The following AGTPBP1 variants were observed in gnomAD, a reference collection of about 807,000 sequenced individuals.
AGTPBP1 encodes ATP/GTP binding carboxypeptidase 1, also known as cytosolic carboxypeptidase 1.
In AGTPBP1, 70 loss-of-function variants were observed where a neutral mutation model predicts 143.9. The ratio of observed to expected loss-of-function variants is 0.49; its 90% confidence interval spans 0.40 to 0.59. The LOEUF (loss-of-function observed/expected upper bound fraction) is 0.59, where lower values mean the gene tolerates loss of function less well. AGTPBP1 is among the 20% of genes least tolerant of loss of function. AGTPBP1 has a pLI of 0.00. For missense variants in AGTPBP1, 1,229 were observed against 1,464.5 expected (o/e 0.84, Z 2.62); for synonymous variants, 463 against 500.2 (o/e 0.93, Z 0.99).
chr9:85,574,002 G>A (rs932701160), intron 25 of AGTPBP1, among the ~76,000 whole-genome samples: 2 of 152,246 alleles, frequency 1.3e-5, no homozygotes, highest in Non-Finnish European at 2.9e-5. Context: ...GGGCCATGAT[G>A]ACAATGGCGG....
the AGTPBP1 span, among the ~76,000 whole-genome samples, chr9:85,803,135 T>C: frequency 4.6e-5 from 7 of 152,192 alleles, no homozygotes; most frequent in Admixed American, 3.9e-4. Context: ...ATGTCCCATA[T>C]ACGTGGGAAC....
rs529713938 is a variant in AGTPBP1 at position 85,677,723 on chromosome 9, C to A, written c.290-141G>T. 13 of 723,438 alleles carry A rather than the reference C, an allele frequency of 1.8e-5. No individual in the cohort carries two copies. In the East Asian group the frequency reaches 3.7e-4, roughly 21 times the overall value. 44.8% of individuals were successfully genotyped at this position (723,438 alleles called of 1,614,324 possible). A position where few individuals can be genotyped will look rare whatever the true frequency, so the allele number is the denominator to read the frequency against. On this transcript the variant is annotated intron_variant, in intron 5 of 25. Transcript: ENST00000357081. ...GACCTCTAAAATCAAACAAATAAGG[C>A]TGGGCGCAGTAGCTCACGCCTGTAA...
At chr9:85,673,905 G>A (rs1469597190) in intron 6 of AGTPBP1, among the ~76,000 whole-genome samples, 3 of 151,960 alleles carry the variant, frequency 2.0e-5, no homozygotes, top group Admixed American at 2.0e-4. Context: ...TGGATCATGA[G>A]GTCAGAAGAT....
chr9:85,596,978 A>T (rs1433265880), intron 17 of AGTPBP1, among the ~76,000 whole-genome samples: 1 of 152,162 alleles, frequency 6.6e-6, no homozygotes, highest in East Asian at 1.9e-4. Flanking sequence ...TTTCCACATG[A>T]ACTTTAAAAT....
chr9:85,793,096 T>C, the AGTPBP1 span, among the ~76,000 whole-genome samples: 2 of 152,188 alleles, frequency 1.3e-5, no homozygotes, highest in African/African-American at 4.8e-5. Flanking sequence ...TTTATAGCCA[T>C]AGAAGTGCTT....
intron 1 of AGTPBP1, among the ~76,000 whole-genome samples, chr9:85,713,114 A>T (rs896922244): frequency 1.3e-5 from 2 of 152,220 alleles, no homozygotes; most frequent in Non-Finnish European, 2.9e-5. Context: ...ATTTTTATAA[A>T]TCTTCAAGTT....
chr9:85,695,102 A>T (rs938509928), intron 2 of AGTPBP1, among the ~76,000 whole-genome samples: 1 of 151,934 alleles, frequency 6.6e-6, no homozygotes, highest in Non-Finnish European at 1.5e-5. Flanking sequence ...CCACACAGTA[A>T]TTTTTTTTAA....
intron 12 of AGTPBP1, among the ~76,000 whole-genome samples, chr9:85,644,903 G>C (rs560765441): frequency 6.6e-6 from 1 of 152,252 alleles, no homozygotes; most frequent in Non-Finnish European, 1.5e-5. Context: ...ATGAGAGTAA[G>C]AGGCAGGCAG....
At chr9:85,735,125 C>G (rs1839157691) in intron 1 of AGTPBP1, among the ~76,000 whole-genome samples, 1 of 152,154 alleles carries the variant, frequency 6.6e-6, no homozygotes, top group African/African-American at 2.4e-5. Flanking sequence ...ACAAGCAACC[C>G]AAGTGTCCAT....
chr9:85,717,494 G>A (rs1026618812), intron 1 of AGTPBP1, among the ~76,000 whole-genome samples: 6 of 152,154 alleles, frequency 3.9e-5, no homozygotes, highest in East Asian at 3.9e-4. Flanking sequence ...AGAGCAAGAC[G>A]CTGTCTCAAA....
At chr9:85,719,647 A>T (rs1390828350) in intron 1 of AGTPBP1, among the ~76,000 whole-genome samples, 1 of 151,978 alleles carries the variant, frequency 6.6e-6, no homozygotes, top group African/African-American at 2.4e-5. Flanking sequence ...CTGAATACCC[A>T]CTATTTCTTT....
chr9:85,753,234 A>T, the AGTPBP1 span: 11 of 1,561,810 alleles, frequency 7.0e-6, no homozygotes, highest in Non-Finnish European at 1.7e-6. Flanking sequence ...GAAAGAAAAA[A>T]AAAATTGTCA....
At chr9:85,601,059 T>G (rs1829636107) in intron 17 of AGTPBP1, among the ~76,000 whole-genome samples, 1 of 152,180 alleles carries the variant, frequency 6.6e-6, no homozygotes, top group African/African-American at 2.4e-5. Context: ...CTTGGCAGTG[T>G]GGTCACCCTA....
chr9:85,707,814 GAAGAAA>G (rs1383221118), intron 2 of AGTPBP1, among the ~76,000 whole-genome samples: 1 of 150,806 alleles, frequency 6.6e-6, no homozygotes, highest in Admixed American at 6.7e-5. Flanking sequence ...CAAGGTGTAA[GAAGAAA>G]TGGTTTTTGG....
chr9:85,716,900 C>T (rs1290974109), intron 1 of AGTPBP1, among the ~76,000 whole-genome samples: 1 of 152,202 alleles, frequency 6.6e-6, no homozygotes, highest in African/African-American at 2.4e-5. Context: ...CTACCTACAA[C>T]TTTTCTCAGT....
Position 85,596,468 on chromosome 9 carries a change from AAG to A in AGTPBP1, c.2336-21_2336-20del, listed in dbSNP as rs771822098. 5 of 1,480,644 alleles carry A rather than the reference AAG, an allele frequency of 3.4e-6. No homozygotes were observed. Among genetic ancestry groups the A allele is most frequent in the Admixed American group, 4.3e-5 (2 of 46,562 alleles). The allele number at this position is 1,480,644 out of a possible 1,614,324, so 91.7% of individuals were successfully genotyped here. A position where few individuals can be genotyped will look rare whatever the true frequency, so the allele number is the denominator to read the frequency against. On this transcript the variant is annotated intron_variant, in intron 17 of 25. Transcript: ENST00000357081. The stretch of plus-strand genomic sequence containing the variant: ...TGCATACCTTTGAAAGAGAGAAAAA[AAG>A]AGAGAAAATTATTTTCATAATTTTT...
intron 23 of AGTPBP1, among the ~76,000 whole-genome samples, chr9:85,583,679 C>G (rs981425980): frequency 2.6e-5 from 4 of 152,000 alleles, no homozygotes; most frequent in Non-Finnish European, 5.9e-5. Flanking sequence ...AATGGAAAAA[C>G]TGTTTTGCAT....
intron 17 of AGTPBP1, among the ~76,000 whole-genome samples, chr9:85,611,010 G>C (rs1230791234): frequency 6.6e-6 from 1 of 151,816 alleles, no homozygotes; most frequent in African/African-American, 2.4e-5. Context: ...ACAAATACAT[G>C]GAAATAAGAA....
In AGTPBP1 at chr9:85,675,505, T is replaced by C. The variant is rs867596033; in HGVS notation, c.436+1931A>G. Among the ~76,000 whole-genome samples, 21 of 152,268 alleles carry C rather than the reference T, an allele frequency of 1.4e-4. No homozygotes were observed. The Middle Eastern group carries it at 0.02, about 148-fold the overall frequency. On this transcript the variant is annotated intron_variant, in intron 6 of 25. Transcript: ENST00000357081. ...CAAATATGACTATTAAAGAAAGCAG[T>C]GACATATTTTACCTCCATGTTTTTC... is the stretch of plus-strand genomic sequence containing the variant.
Sources: allele counts gnomAD v4.1 joint callset (sites outside exome capture counted in the v4.1 genomes callset), GRCh38; gene constraint gnomAD v4.1.1; transcripts MANE v1.5; gene names NCBI Gene and HGNC (gene_info 2026-07-23, HGNC 2026-07-21).